The following BCO1 variants were observed in gnomAD, a reference collection of about 807,000 sequenced individuals.
BCO1 encodes the protein beta-carotene oxygenase 1.
A neutral mutation model predicts 56.3 loss-of-function variants in BCO1; 54 were observed. That is an observed-to-expected ratio of 0.96 (90% CI 0.77 to 1.20). The LOEUF is 1.20. Among genes scored for constraint, BCO1 ranks in the 50% most tolerant of loss-of-function variants. The pLI is 0.00. For missense variants in BCO1, 801 were observed against 690.9 expected (o/e 1.16, Z -1.79); for synonymous variants, 318 against 266.1 (o/e 1.20, Z -1.90).
intron 2 of BCO1, 40 bp from the exon 3 acceptor site, chr16:81,259,636 A>C: frequency 6.2e-7 from 1 of 1,614,072 alleles, no homozygotes; most frequent in Non-Finnish European, 8.5e-7. Context: ...AAGCCCTGTG[A>C]AGGCGTCAGC....
chr16:81,259,558 G>T, intron 2 of BCO1, 118 bp from the exon 3 acceptor site: 1 of 1,165,204 alleles, frequency 8.6e-7, no homozygotes, highest in Non-Finnish European at 1.3e-6. Flanking sequence ...TACTAAAGGA[G>T]CTTGTCCTAG....
At chr16:81,263,599 G>C (rs1019301135) in intron 4 of BCO1, 1 of 152,200 alleles carries the variant, frequency 6.6e-6, no homozygotes, top group Admixed American at 6.5e-5. Flanking sequence ...CACTGAGGGA[G>C]TTCACTGAGA....
chr16:81,270,795 A>G (rs1907159323), intron 7 of BCO1, among the ~76,000 whole-genome samples: 1 of 150,744 alleles, frequency 6.6e-6, no homozygotes, highest in Non-Finnish European at 1.5e-5. Flanking sequence ...CCCAGGCTGG[A>G]GTGCAGTGTT....
intron 2 of BCO1, among the ~76,000 whole-genome samples, chr16:81,253,686 G>A (rs1905949128): frequency 6.6e-6 from 1 of 152,166 alleles, no homozygotes; most frequent in South Asian, 2.1e-4. Context: ...CAGTGAGGCT[G>A]GGCACCGTGC....
chr16:81,273,623 T>A (rs959096843), intron 7 of BCO1, among the ~76,000 whole-genome samples: 1 of 146,990 alleles, frequency 6.8e-6, no homozygotes, highest in Non-Finnish European at 1.5e-5. Context: ...TCACCTCTAC[T>A]TAACATTTAA....
intron 2 of BCO1, among the ~76,000 whole-genome samples, chr16:81,254,417 C>T (rs1345129338): frequency 2.7e-5 from 4 of 147,284 alleles, no homozygotes; most frequent in Non-Finnish European, 5.9e-5. Context: ...TCCCAAAGTG[C>T]TGGGATTACA....
At chr16:81,256,217 A>G (rs1356832115) in intron 2 of BCO1, among the ~76,000 whole-genome samples, 1 of 151,924 alleles carries the variant, frequency 6.6e-6, no homozygotes, top group East Asian at 1.9e-4. Context: ...AGTGCCCAGC[A>G]CAGTGTTTAG....
At chr16:81,240,997 G>A (rs1230637473) in intron 1 of BCO1, among the ~76,000 whole-genome samples, 2 of 151,480 alleles carry the variant, frequency 1.3e-5, no homozygotes, top group Non-Finnish European at 2.9e-5. Flanking sequence ...ACCACACCCG[G>A]CTAATTTTGT....
intron 1 of BCO1, among the ~76,000 whole-genome samples, chr16:81,243,170 C>T (rs995914823): frequency 3.9e-5 from 6 of 152,190 alleles, no homozygotes; most frequent in South Asian, 2.1e-4. Context: ...GTGATGGTTG[C>T]GCAACATTGT....
At chr16:81,282,412 A>AC (rs1398634602) in intron 8 of BCO1, among the ~76,000 whole-genome samples, 10 of 151,968 alleles carry the variant, frequency 6.6e-5, no homozygotes, top group African/African-American at 2.4e-4. Context: ...AAAAACAAAA[A>AC]ACCCTGAGAG....
chr16:81,251,184 G>A (rs1034833525), intron 2 of BCO1, among the ~76,000 whole-genome samples: 6 of 152,116 alleles, frequency 3.9e-5, no homozygotes, highest in Non-Finnish European at 7.4e-5. Context: ...TTAGAGAAAA[G>A]ACTTTGGAGC....
intron 7 of BCO1, among the ~76,000 whole-genome samples, chr16:81,275,133 C>T (rs1255114132): frequency 1.3e-5 from 2 of 152,256 alleles, no homozygotes; most frequent in African/African-American, 4.8e-5. Context: ...TTGGCTCCAC[C>T]CCATCCAGAG....
intron 2 of BCO1, among the ~76,000 whole-genome samples, chr16:81,251,881 T>TGTGTGTGTGC (rs1555554316): frequency 2.5e-4 from 38 of 150,442 alleles, no homozygotes; most frequent in Admixed American, 2.0e-4. Flanking sequence ...TATATGTGTG[T>TGTGTGTGTGC]GTGTGTGTGT....
chr16:81,258,931 T>C (rs750439399), intron 2 of BCO1, among the ~76,000 whole-genome samples: 21 of 151,850 alleles, frequency 1.4e-4, no homozygotes, highest in Non-Finnish European at 2.8e-4. Context: ...GCATGTCACA[T>C]GGTGAAAGAG....
chr16:81,245,355 C>G, intron 1 of BCO1, 120 bp from the exon 2 acceptor site: 1 of 1,456,536 alleles, frequency 6.9e-7, no homozygotes, highest in South Asian at 1.1e-5. Context: ...GTAGAATAAA[C>G]GAACAGATGC....
chr16:81,253,758 G>C (rs370862839), intron 2 of BCO1, among the ~76,000 whole-genome samples: 215 of 152,268 alleles, frequency 1.4e-3, no homozygotes, highest in African/African-American at 4.0e-3. Flanking sequence ...GAGTCCAGGA[G>C]TTCAAGACCA....
chr16:81,251,874 A>ATGTGTGTGTGTGTGTGTGTG (rs56069135), intron 2 of BCO1, among the ~76,000 whole-genome samples: 73 of 146,748 alleles, frequency 5.0e-4, no homozygotes, highest in African/African-American at 1.7e-3. Flanking sequence ...ACACACATAT[A>ATGTGTGTGTGTGTGTGTGTG]TGTGTGTGTG....
rs1321436935 is a variant in BCO1, at chr16:81,274,562, C to T, written c.1101+4146C>T. ...TACAGGCGTGAGCCACTGCGCCCAG[C>T]CCCCTAGCTTGTGTATCTTTAAAAG... On this transcript the variant is annotated intron_variant, in intron 7 of 10. Coordinates refer to ENST00000258168, the MANE Select transcript of BCO1 (RefSeq NM_017429.3). 2.0e-5 allele frequency among the ~76,000 whole-genome samples: 3 copies of T among 152,228 alleles called. No homozygotes were observed. The South Asian group carries it at 6.2e-4, about 32-fold the overall frequency.
intron 7 of BCO1, among the ~76,000 whole-genome samples, chr16:81,271,056 T>G (rs1907181177): frequency 1.3e-5 from 2 of 151,964 alleles, no homozygotes; most frequent in South Asian, 4.2e-4. Flanking sequence ...CTTACATAAT[T>G]TTTAACAGCT....
Sources: allele counts gnomAD v4.1 joint callset (sites outside exome capture counted in the v4.1 genomes callset), GRCh38; gene constraint gnomAD v4.1.1; transcripts MANE v1.5; gene names NCBI Gene and HGNC (gene_info 2026-07-23, HGNC 2026-07-21).